The following COL4A4 variants were observed in gnomAD, a reference collection of about 807,000 sequenced individuals.
COL4A4 encodes the protein collagen alpha-4(IV) chain.
COL4A4 carries 105 observed loss-of-function variants against 192.9 expected under a neutral mutation model. That is an observed-to-expected ratio of 0.54 (90% CI 0.46 to 0.64). The LOEUF (loss-of-function observed/expected upper bound fraction) is 0.64, where lower values mean the gene tolerates loss of function less well. Among genes scored for constraint, COL4A4 ranks in the 30% least tolerant of loss-of-function variants. The pLI, the probability that COL4A4 is intolerant of heterozygous loss-of-function variation, is 0.00. For synonymous variants in COL4A4, 762 were observed against 769.9 expected (o/e 0.99, Z 0.17); for missense variants, 1,967 against 2,169.3 (o/e 0.91, Z 1.85).
At chr2:227,092,454 A>G (rs924500985) in intron 20 of COL4A4, among the ~76,000 whole-genome samples, 3 of 152,222 alleles carry the variant, frequency 2.0e-5, no homozygotes, top group Non-Finnish European at 4.4e-5. Context: ...TCAAGACAGT[A>G]TTCTGGCAAC....
chr2:227,041,898 GAA>G (rs1427747549), intron 37 of COL4A4, among the ~76,000 whole-genome samples: 1 of 149,272 alleles, frequency 6.7e-6, no homozygotes, highest in African/African-American at 2.5e-5. Flanking sequence ...AAGAAAGAAA[GAA>G]AGAAAGAAAG....
intron 34 of COL4A4, 129 bp downstream of exon 34, chr2:227,049,939 C>T (rs2272203): frequency 6.6e-5 from 55 of 836,728 alleles, no homozygotes; most frequent in Non-Finnish European, 6.1e-6. Context: ...GACTGTCTAA[C>T]AAGAGCCCCT....
At chr2:227,124,168 T>A (rs1007840088) in intron 4 of COL4A4, among the ~76,000 whole-genome samples, 2 of 152,178 alleles carry the variant, frequency 1.3e-5, no homozygotes, top group African/African-American at 4.8e-5. Context: ...TTTCCCTAAA[T>A]AGATGTTTAT....
At chr2:227,105,651 T>C (rs1418330362) in intron 12 of COL4A4, among the ~76,000 whole-genome samples, 1 of 152,350 alleles carries the variant, frequency 6.6e-6, no homozygotes, top group African/African-American at 2.4e-5. Flanking sequence ...TCATAAATTC[T>C]CACCATTAAT....
intron 25 of COL4A4, among the ~76,000 whole-genome samples, chr2:227,066,708 T>C (rs1293441745): frequency 6.7e-6 from 1 of 149,738 alleles, no homozygotes; most frequent in African/African-American, 2.5e-5. Context: ...AAAGAGCTCC[T>C]GAAGGAAGCG....
At chr2:227,077,404 C>T (rs1338660636) in intron 25 of COL4A4, among the ~76,000 whole-genome samples, 1 of 152,130 alleles carries the variant, frequency 6.6e-6, no homozygotes, top group Non-Finnish European at 1.5e-5. Flanking sequence ...GAAAACCAAA[C>T]ACCGCATGTT....
intron 25 of COL4A4, among the ~76,000 whole-genome samples, chr2:227,077,612 T>C (rs2059099208): frequency 6.6e-6 from 1 of 151,658 alleles, no homozygotes; most frequent in Admixed American, 6.6e-5. Context: ...TGTATACCTA[T>C]GTAACAAACC....
At chr2:226,998,516 A>T (rs955547444), downstream of COL4A4, 1 of 152,158 alleles carries the variant, frequency 6.6e-6, no homozygotes, top group Non-Finnish European at 1.5e-5. Flanking sequence ...TAGTCAAAAA[A>T]TATATATATA....
In COL4A4 at chr2:227,054,673, T is replaced by A. The variant is rs1576163418; in HGVS notation, c.2781A>T (p.Gly927=). 6.2e-7 allele frequency: 1 copy of A among 1,614,218 alleles called. No individual in the cohort carries two copies. Among genetic ancestry groups the A allele is most frequent in the African/African-American group, 1.3e-5 (1 of 75,062 alleles). ...CAGGTTCTCCCTTTGCGCCAGGACA[T>A]CCCTCTGCACCAGGCTTTCCTCTTT... The part of the protein sequence containing the change: ...PGERGKPGAE[G]CPGAKGEPGE... The change falls in exon 31 of 48, where the codon GGA becomes GGT. Residue 927 remains glycine, a synonymous_variant. Transcript: ENST00000396625.
At chr2:227,074,353 T>C (rs2058899904) in intron 25 of COL4A4, among the ~76,000 whole-genome samples, 1 of 152,028 alleles carries the variant, frequency 6.6e-6, no homozygotes. Flanking sequence ...CAATGAGATA[T>C]TGCCTTACTC....
At chr2:227,137,043 C>T (rs1016861884) in intron 4 of COL4A4, among the ~76,000 whole-genome samples, 10 of 152,168 alleles carry the variant, frequency 6.6e-5, no homozygotes, top group African/African-American at 2.2e-4. Context: ...GCAGCCTTCC[C>T]ATGGAAAACC....
At chr2:226,988,556 A>G in the COL4A4 span, 1 of 1,414,936 alleles carries the variant, frequency 7.1e-7, no homozygotes, top group Non-Finnish European at 9.2e-7. Flanking sequence ...CTCTCTGCGG[A>G]CTGGTGTGGA....
chr2:227,042,077 GA>G (rs1262376160), intron 37 of COL4A4, 70 bp downstream of exon 37: 1 of 961,166 alleles, frequency 1.0e-6, no homozygotes, highest in Non-Finnish European at 1.7e-6. Context: ...ACTGGTACAG[GA>G]AAAAAACACC....
intron 3 of COL4A4, among the ~76,000 whole-genome samples, chr2:227,140,518 C>T (rs967691631): frequency 2.6e-5 from 4 of 152,264 alleles, no homozygotes; most frequent in Middle Eastern, 3.4e-3. Flanking sequence ...TTCTCCCTTT[C>T]GGTAAGACTT....
chr2:227,041,858 GAAAGAAAGAA>G lies in COL4A4; in HGVS notation c.3505+280_3505+289del, dbSNP rs767589275. Among the ~76,000 whole-genome samples, 207 of 98,560 alleles carry G rather than the reference GAAAGAAAGAA, an allele frequency of 2.1e-3. 1 individual carries two copies. Among genetic ancestry groups the G allele is most frequent in the South Asian group, 3.2e-3 (9 of 2,796 alleles). The allele number at this position is 98,560 out of a possible 152,430, so 64.7% of individuals were successfully genotyped here. ...AAAGAAAGAAAGAAAGAGAAAGAAA[GAAAGAAAGAA>G]AGAAAGAAAGAAAGAAAGAAAGAAA... On this transcript the variant is annotated intron_variant, in intron 37 of 47. Coordinates refer to ENST00000396625, the MANE Select transcript of COL4A4 (RefSeq NM_000092.5).
Position 227,050,043 on chromosome 2 carries a change from T to C in COL4A4, c.3214+25A>G, listed in dbSNP as rs775453912. ...CATTCGGGACTATGCATTTGACAGA[T>C]GGCTTCTGTATCTCCAAACCATACC... is the stretch of plus-strand genomic sequence containing the variant. On this transcript the variant is annotated intron_variant, in intron 34 of 47. Coordinates refer to ENST00000396625, the MANE Select transcript of COL4A4 (RefSeq NM_000092.5). The C allele has an allele frequency of 1.9e-6, 3 of 1,606,492 alleles. No homozygotes were observed. The East Asian group carries it at 6.7e-5, about 36-fold the overall frequency.
the COL4A4 span, among the ~76,000 whole-genome samples, chr2:226,989,381 C>T: frequency 2.6e-5 from 4 of 152,010 alleles, 1 homozygote; most frequent in East Asian, 3.9e-4. Flanking sequence ...TGTTGGGTAA[C>T]GGGGTATAGT....
At chr2:227,041,856 A>AAGAAAGAGAGAGAGAGAGAG (rs1971363020) in intron 37 of COL4A4, among the ~76,000 whole-genome samples, 1 of 96,976 alleles carries the variant, frequency 1.0e-5, no homozygotes, top group South Asian at 3.7e-4. Context: ...AAGAGAAAGA[A>AAGAAAGAGAGAGAGAGAGAG]AGAAAGAAAG....
At chr2:226,979,221 G>A in the COL4A4 span, among the ~76,000 whole-genome samples, 14 of 152,174 alleles carry the variant, frequency 9.2e-5, no homozygotes, top group Admixed American at 2.0e-4. Context: ...TGAAGAAACT[G>A]CAGTCTCATT....
Sources: allele counts gnomAD v4.1 joint callset (sites outside exome capture counted in the v4.1 genomes callset), GRCh38; gene constraint gnomAD v4.1.1; transcripts MANE v1.5; gene names NCBI Gene and HGNC (gene_info 2026-07-23, HGNC 2026-07-21).